TADA1: variants seen among roughly 807,000 people sequenced by gnomAD.
TADA1 encodes the protein transcriptional adaptor 1.
A neutral mutation model predicts 39.3 loss-of-function variants in TADA1; 23 were observed. That is an observed-to-expected ratio of 0.58 (90% CI 0.42 to 0.83). TADA1 has a LOEUF of 0.83. Ranked by LOEUF, TADA1 falls within the 40% of genes least tolerant of loss-of-function variation. The probability of loss-of-function intolerance (pLI) is 0.00; values close to 1 mark genes in which losing one functional copy is unlikely to be tolerated. For missense variants in TADA1, 352 were observed against 408.1 expected (o/e 0.86, Z 1.18); for synonymous variants, 137 against 151.8 (o/e 0.90, Z 0.72).
chr1:166,858,364 T>G, intron 6 of TADA1, 83 bp from the exon 7 acceptor site: 1 of 1,074,108 alleles, frequency 9.3e-7, no homozygotes, highest in Admixed American at 3.2e-5. Context: ...GAATCTTATT[T>G]AAAAAATCTT....
At chr1:166,873,757 T>C (rs188687584) in intron 1 of TADA1, among the ~76,000 whole-genome samples, 1 of 152,328 alleles carries the variant, frequency 6.6e-6, no homozygotes, top group East Asian at 1.9e-4. Flanking sequence ...GGATTCACAC[T>C]CCAGATGCAC....
chr1:166,873,981 A>G (rs1031213297), intron 1 of TADA1, among the ~76,000 whole-genome samples: 2 of 151,850 alleles, frequency 1.3e-5, no homozygotes, highest in African/African-American at 4.8e-5. Context: ...TGGTATGTAA[A>G]CGTTTGCTTT....
intron 3 of TADA1, among the ~76,000 whole-genome samples, chr1:166,864,449 G>A (rs1040811471): frequency 1.2e-4 from 19 of 152,334 alleles, no homozygotes; most frequent in African/African-American, 4.1e-4. Context: ...GGCAAGGAAG[G>A]TGGCAAGTGA....
At chr1:166,859,157 A>G (rs1658349713) in intron 6 of TADA1, among the ~76,000 whole-genome samples, 1 of 152,128 alleles carries the variant, frequency 6.6e-6, no homozygotes, top group Admixed American at 6.5e-5. Context: ...TAGGCCCATG[A>G]CCCCTGTAAA....
chr1:166,873,544 T>C (rs748183180), intron 1 of TADA1, among the ~76,000 whole-genome samples: 15 of 150,948 alleles, frequency 9.9e-5, no homozygotes, highest in South Asian at 2.1e-4. Flanking sequence ...CTTAAATAGG[T>C]TGTGCAAACC....
At chr1:166,865,374 G>A (rs1658506433) in intron 3 of TADA1, among the ~76,000 whole-genome samples, 1 of 151,848 alleles carries the variant, frequency 6.6e-6, no homozygotes, top group Non-Finnish European at 1.5e-5. Context: ...ACAAAAAGTA[G>A]TTGCCTTTGG....
At chr1:166,864,416 C>G (rs1658482287) in intron 3 of TADA1, among the ~76,000 whole-genome samples, 1 of 152,122 alleles carries the variant, frequency 6.6e-6, no homozygotes, top group South Asian at 2.1e-4. Context: ...GAAGCAGACC[C>G]ATAGAAGCTG....
In TADA1 at chr1:166,857,786, G is replaced by C. The variant is rs113110936; in HGVS notation, c.856-67C>G. 2.6e-6 allele frequency: 4 copies of C among 1,524,668 alleles called. No individual in the cohort carries two copies. The African/African-American group carries it at 5.5e-5, about 21-fold the overall frequency. The allele number at this position is 1,524,668 out of a possible 1,614,324, so 94.4% of individuals were successfully genotyped here. A position where few individuals can be genotyped will look rare whatever the true frequency, so the allele number is the denominator to read the frequency against. ...AGACTTATTTTTCTGACATATAAAA[G>C]GGTTTATATCAACAAAACATACACA... is the stretch of plus-strand genomic sequence containing the variant. On this transcript the variant is annotated intron_variant, in intron 7 of 7. Coordinates refer to ENST00000367874, the MANE Select transcript of TADA1 (RefSeq NM_053053.4).
chr1:166,862,272 C>CACT lies in TADA1; in HGVS notation c.468_470dup (p.Val157dup), dbSNP rs769404879. The CACT allele has an allele frequency of 2.5e-5, 40 of 1,614,020 alleles. No homozygotes were observed. The African/African-American group carries it at 4.5e-4, about 18-fold the overall frequency. On this transcript the variant is annotated inframe_insertion, in exon 5 of 8. Transcript: ENST00000367874. ...TGTCCAGCCCATGCTCATAAGCAGTCACTATCATTCTCCCTTCAAGCTGGC... is the reference window on the plus strand; with the variant it reads ...TGTCCAGCCCATGCTCATAAGCAGTCACTACTATCATTCTCCCTTCAAGCTGGC...
chr1:166,859,227 C>A (rs4657608), intron 6 of TADA1, among the ~76,000 whole-genome samples: 2 of 151,982 alleles, frequency 1.3e-5, no homozygotes, highest in African/African-American at 4.8e-5. Flanking sequence ...ATCAACACTC[C>A]CTCTATCCAA....
chr1:166,872,216 T>C (rs1658675308), intron 1 of TADA1, among the ~76,000 whole-genome samples: 1 of 152,150 alleles, frequency 6.6e-6, no homozygotes, highest in South Asian at 2.1e-4. Context: ...TGGGAGGTGT[T>C]TGGGTTATGG....
At chr1:166,870,008 C>G (rs1216255128) in intron 1 of TADA1, among the ~76,000 whole-genome samples, 154 bp from the exon 2 acceptor site, 1 of 152,026 alleles carries the variant, frequency 6.6e-6, no homozygotes, top group African/African-American at 2.4e-5. Flanking sequence ...TGGCTTTAAG[C>G]TACCCTCCCA....
At position 166,869,438 on chromosome 1, in the gene TADA1, C is replaced by G. The variant is rs1372702585; in HGVS notation, c.232+7G>C. The G allele has an allele frequency of 6.2e-7, 1 of 1,611,204 alleles. No homozygotes were observed. Among genetic ancestry groups the G allele is most frequent in the East Asian group, 2.2e-5 (1 of 44,796 alleles). The stretch of plus-strand genomic sequence containing the variant: ...TACACACACTGGAAGTATTTCCACT[C>G]CCTTACCTGGTGTAGAAACCAAAAT... On this transcript the variant is annotated splice_region_variant and intron_variant, in intron 3 of 7. Transcript: ENST00000367874.
At position 166,857,465 on chromosome 1, in the gene TADA1, T is replaced by C; in HGVS notation, c.*102A>G. 1 of 1,317,606 alleles carries C rather than the reference T, an allele frequency of 7.6e-7. No individual in the cohort carries two copies. Among genetic ancestry groups the C allele is most frequent in the East Asian group, 2.3e-5 (1 of 43,262 alleles). The allele number at this position is 1,317,606 out of a possible 1,614,324, so 81.6% of individuals were successfully genotyped here. A position where few individuals can be genotyped will look rare whatever the true frequency, so the allele number is the denominator to read the frequency against. ...TGTCACATTTCCATAGGAAAGGTTA[T>C]ATATACACTATACACTTCAGCCTTG... On this transcript the variant is annotated 3_prime_UTR_variant, in exon 8 of 8. Transcript: ENST00000367874.
Position 166,857,304 on chromosome 1 carries a change from C to G in TADA1, c.*263G>C. On this transcript the variant is annotated 3_prime_UTR_variant, in exon 8 of 8. Transcript: ENST00000367874. ...CCACAGGACACTAAGCCTCAGGTAC[C>G]TAAATATCTCCATTCCAGGCACAGG... is the stretch of plus-strand genomic sequence containing the variant. 1 of 426,242 alleles carries G rather than the reference C, an allele frequency of 2.3e-6. No individual in the cohort carries two copies. The highest frequency in any genetic ancestry group is 4.2e-6 in the Non-Finnish European group (1 of 238,338). 26.4% of individuals were successfully genotyped at this position (426,242 alleles called of 1,614,324 possible). A position where few individuals can be genotyped will look rare whatever the true frequency, so the allele number is the denominator to read the frequency against.
intron 1 of TADA1, among the ~76,000 whole-genome samples, chr1:166,870,272 T>C (rs1209277395): frequency 1.3e-5 from 2 of 152,198 alleles, no homozygotes; most frequent in Non-Finnish European, 2.9e-5. Flanking sequence ...TCCAGTATGA[T>C]TGGTGTCCTT....
rs1658308808 is a variant in TADA1, at chr1:166,857,650, A to G, written c.925T>C (p.Trp309Arg). ...LNIERIITKL[W>R]HPNHEELQQD... ...TGCAGCTCTTCATGATTTGGATGCCAGAGTTTCGTGATGATCCTTTCAATG... is the reference window on the plus strand; with the variant it reads ...TGCAGCTCTTCATGATTTGGATGCCGGAGTTTCGTGATGATCCTTTCAATG... Residue 309 changes from tryptophan (W) to arginine (R), a missense_variant, in exon 8 of 8, where the codon TGG becomes CGG. This residue lies in a region of TADA1 where 285 missense variants were observed against 310.9 expected (regional missense o/e 0.92). Transcript: ENST00000367874. The G allele has an allele frequency of 6.2e-7, 1 of 1,614,220 alleles. No individual in the cohort carries two copies. Among genetic ancestry groups the G allele is most frequent in the Non-Finnish European group, 8.5e-7 (1 of 1,180,028 alleles).
chr1:166,869,730 A>G, intron 2 of TADA1, 33 bp downstream of exon 2: 6 of 1,581,252 alleles, frequency 3.8e-6, no homozygotes, highest in Non-Finnish European at 5.2e-6. Flanking sequence ...AAACTACAGA[A>G]TAGTAAAATA....
At chr1:166,875,880 G>A (rs929682749) in intron 1 of TADA1, among the ~76,000 whole-genome samples, 1 of 152,184 alleles carries the variant, frequency 6.6e-6, no homozygotes, top group Non-Finnish European at 1.5e-5. Context: ...GCAGGCCCTT[G>A]GGTGCGAAGT....
Sources: allele counts gnomAD v4.1 joint callset (sites outside exome capture counted in the v4.1 genomes callset), GRCh38; gene constraint gnomAD v4.1.1; regional missense constraint gnomAD v4.1.1; transcripts MANE v1.5; gene names NCBI Gene and HGNC (gene_info 2026-07-23, HGNC 2026-07-21).